The following FOXN3 variants were observed in gnomAD, a reference collection of about 807,000 sequenced individuals.
FOXN3 encodes forkhead box protein N3.
A neutral mutation model predicts 38.4 loss-of-function variants in FOXN3; 7 were observed. That is an observed-to-expected ratio of 0.18 (90% CI 0.10 to 0.34). The LOEUF is 0.34. FOXN3 is among the 10% of genes least tolerant of loss of function. FOXN3 has a pLI of 1.00. For missense variants in FOXN3, 456 were observed against 613.4 expected (o/e 0.74, Z 2.71); for synonymous variants, 230 against 242.2 (o/e 0.95, Z 0.47).
intron 1 of FOXN3, among the ~76,000 whole-genome samples, chr14:89,489,128 A>T (rs1230221466): frequency 1.3e-5 from 2 of 152,218 alleles, no homozygotes; most frequent in Non-Finnish European, 2.9e-5. Context: ...GTCTCTGCTT[A>T]CCCATGCCAG....
chr14:89,243,931 A>G (rs1422823244), intron 4 of FOXN3, among the ~76,000 whole-genome samples: 6 of 152,182 alleles, frequency 3.9e-5, no homozygotes, highest in African/African-American at 7.2e-5. Flanking sequence ...GGGCTCCCCT[A>G]AGCTCCAACT....
At chr14:89,585,353 G>A (rs559252779) in intron 1 of FOXN3, among the ~76,000 whole-genome samples, 1 of 152,090 alleles carries the variant, frequency 6.6e-6, no homozygotes, top group Non-Finnish European at 1.5e-5. Flanking sequence ...TTTTTCTTCT[G>A]CCATTTCTAA....
chr14:89,327,220 T>C lies in FOXN3; in HGVS notation c.680+23452A>G, dbSNP rs540666007. Among the ~76,000 whole-genome samples, 9 of 152,284 alleles carry C rather than the reference T, an allele frequency of 5.9e-5. No individual in the cohort carries two copies. The South Asian group carries it at 1.7e-3, about 28-fold the overall frequency. On this transcript the variant is annotated intron_variant, in intron 3 of 5. Transcript: ENST00000557258. ...AGGTGAGATTTATATACAAAGCAAC[T>C]GAAATATGAAGAAGTACACTAAGGA...
At chr14:89,292,018 CTCA>C (rs1886888146) in intron 3 of FOXN3, among the ~76,000 whole-genome samples, 1 of 152,186 alleles carries the variant, frequency 6.6e-6, no homozygotes. Context: ...AATCTCTCCA[CTCA>C]TCAAGTCCCA....
intron 2 of FOXN3, among the ~76,000 whole-genome samples, chr14:89,371,630 C>T (rs1275108536): frequency 6.6e-6 from 1 of 152,070 alleles, no homozygotes. Context: ...CCTCCTCCTG[C>T]CTGCTCCTAG....
chr14:89,173,224 G>A (rs1555408488), intron 5 of FOXN3, among the ~76,000 whole-genome samples: 1 of 152,200 alleles, frequency 6.6e-6, no homozygotes, highest in Non-Finnish European at 1.5e-5. Flanking sequence ...AACATCTTTA[G>A]TAAAAAGGGA....
chr14:89,611,735 G>A (rs554786561), intron 1 of FOXN3, among the ~76,000 whole-genome samples: 6 of 151,510 alleles, frequency 4.0e-5, no homozygotes, highest in South Asian at 4.2e-4. Flanking sequence ...GAACCTGGGA[G>A]GCGGAGCTTG....
At chr14:89,379,408 T>C (rs980892533) in intron 2 of FOXN3, among the ~76,000 whole-genome samples, 1 of 152,100 alleles carries the variant, frequency 6.6e-6, no homozygotes, top group Non-Finnish European at 1.5e-5. Context: ...GTGGGAGCTG[T>C]CCTGTGTATT....
Position 89,275,743 on chromosome 14 carries a change from T to A in FOXN3, c.745+5207A>T, listed in dbSNP as rs115050482. ...AACCTAGAACATGGGAAACTGGTAT[T>A]CCTCAAAGCAAGTCATCTAACCATC... On this transcript the variant is annotated intron_variant, in intron 4 of 5. Transcript: ENST00000557258. Among the ~76,000 whole-genome samples the A allele has an allele frequency of 5.3e-3, 801 of 152,322 alleles. 5 individuals are homozygous for A. Among genetic ancestry groups the A allele is most frequent in the African/African-American group, 0.018 (750 of 41,560 alleles).
intron 4 of FOXN3, among the ~76,000 whole-genome samples, chr14:89,268,042 T>C (rs1384524670): frequency 6.6e-6 from 1 of 152,070 alleles, no homozygotes; most frequent in Non-Finnish European, 1.5e-5. Flanking sequence ...CACACACACA[T>C]GCTCATCACA....
chr14:89,358,407 A>C (rs1382848702), intron 2 of FOXN3, among the ~76,000 whole-genome samples: 2 of 152,154 alleles, frequency 1.3e-5, no homozygotes, highest in Middle Eastern at 3.2e-3. Flanking sequence ...GCCTAAGTCA[A>C]GTGCTCCAAG....
chr14:89,447,814 CTTTT>C (rs3057950), intron 1 of FOXN3, among the ~76,000 whole-genome samples: 9 of 92,798 alleles, frequency 9.7e-5, no homozygotes, highest in South Asian at 4.3e-4. Flanking sequence ...GCCTTTCTTC[CTTTT>C]TTTTTTTTTT....
At chr14:89,235,734 T>C (rs762378177) in intron 4 of FOXN3, among the ~76,000 whole-genome samples, 16 of 151,458 alleles carry the variant, frequency 1.1e-4, no homozygotes, top group Admixed American at 8.5e-4. Flanking sequence ...AGTGATTTCA[T>C]GTGAGAAGAA....
chr14:89,608,185 C>T (rs1320956379), intron 1 of FOXN3, among the ~76,000 whole-genome samples: 1 of 125,920 alleles, frequency 7.9e-6, no homozygotes, highest in Admixed American at 8.8e-5. Flanking sequence ...TTCACCCCAT[C>T]CTGTTAGCCA....
intron 2 of FOXN3, among the ~76,000 whole-genome samples, chr14:89,406,930 A>G (rs1179800112): frequency 1.3e-5 from 2 of 151,950 alleles, no homozygotes; most frequent in Non-Finnish European, 2.9e-5. Context: ...TAGGGAGTGT[A>G]AAACTTAATC....
At chr14:89,470,511 GCAATGAGAACACAAAA>G (rs367573620) in intron 1 of FOXN3, among the ~76,000 whole-genome samples, 2 of 152,296 alleles carry the variant, frequency 1.3e-5, no homozygotes, top group African/African-American at 4.8e-5. Flanking sequence ...AAATGTGGCT[GCAATGAGAACACAAAA>G]CCAGCAATCT....
At chr14:89,493,140 T>C (rs866294050) in intron 1 of FOXN3, among the ~76,000 whole-genome samples, 1 of 152,342 alleles carries the variant, frequency 6.6e-6, no homozygotes, top group Non-Finnish European at 1.5e-5. Context: ...CTTCTTCAAA[T>C]GAATAGATTA....
chr14:89,593,070 A>G (rs1895990958), intron 1 of FOXN3, among the ~76,000 whole-genome samples: 1 of 121,758 alleles, frequency 8.2e-6, no homozygotes, highest in Non-Finnish European at 1.7e-5. Context: ...ACAAGGAGGG[A>G]GGGAGGGAAT....
At chr14:89,331,266 C>T (rs1007437313) in intron 3 of FOXN3, among the ~76,000 whole-genome samples, 1 of 152,168 alleles carries the variant, frequency 6.6e-6, no homozygotes, top group African/African-American at 2.4e-5. Flanking sequence ...TGTTATTTGT[C>T]TATTCTAGGA....
Sources: allele counts gnomAD v4.1 joint callset (sites outside exome capture counted in the v4.1 genomes callset), GRCh38; gene constraint gnomAD v4.1.1; transcripts MANE v1.5; gene names NCBI Gene and HGNC (gene_info 2026-07-23, HGNC 2026-07-21).